The following SDK1 variants were observed in gnomAD, a reference collection of about 807,000 sequenced individuals.
SDK1 encodes protein sidekick-1.
Under a neutral mutation model 245.5 loss-of-function variants are expected in SDK1, and 157 were observed. The ratio of observed to expected loss-of-function variants is 0.64; its 90% CI spans 0.56 to 0.73. SDK1 has a LOEUF of 0.73. Ranked by LOEUF, SDK1 falls within the 30% of genes least tolerant of loss-of-function variation. SDK1 has a pLI of 0.00. For missense variants in SDK1, 3,583 were observed against 3,002.3 expected (o/e 1.19, Z -4.52); for synonymous variants, 1,647 against 1,278.5 (o/e 1.29, Z -6.15).
intron 5 of SDK1, among the ~76,000 whole-genome samples, chr7:3,918,469 G>A (rs947381772): frequency 2.7e-4 from 41 of 152,196 alleles, no homozygotes; most frequent in African/African-American, 7.7e-4. Context: ...TCTAATGCCT[G>A]ATGATCTGTC....
chr7:4,120,857 C>G lies in SDK1; in HGVS notation c.3824-6524C>G, dbSNP rs559987880. ...TCTTGAACTCCTGACCTCAAGTTAT[C>G]TGCCCAACTTGGTTTCCCAAGGTGC... On this transcript the variant is annotated intron_variant, in intron 25 of 44. Coordinates refer to ENST00000404826, the MANE Select transcript of SDK1 (RefSeq NM_152744.4). Among the ~76,000 whole-genome samples, 7 of 151,718 alleles carry G rather than the reference C, an allele frequency of 4.6e-5. No individual in the cohort carries two copies. In the South Asian group the frequency reaches 1.5e-3, roughly 32 times the overall value.
chr7:4,077,443 G>A (rs191555832), intron 21 of SDK1, among the ~76,000 whole-genome samples: 27 of 152,332 alleles, frequency 1.8e-4, no homozygotes, highest in African/African-American at 6.0e-4. Flanking sequence ...CAGAACATGC[G>A]TTGAAAGTGT....
chr7:3,641,503 G>A (rs753968924), intron 3 of SDK1, among the ~76,000 whole-genome samples: 7 of 152,170 alleles, frequency 4.6e-5, no homozygotes, highest in Non-Finnish European at 7.3e-5. Context: ...GCAGGAGACA[G>A]TGACCTCACA....
intron 4 of SDK1, among the ~76,000 whole-genome samples, chr7:3,757,564 A>G (rs766281900): frequency 4.6e-5 from 7 of 152,064 alleles, no homozygotes; most frequent in Non-Finnish European, 8.8e-5. Context: ...TCTATGACCA[A>G]TTTATTATAA....
At position 3,749,545 on chromosome 7, in the gene SDK1, C is replaced by T. The variant is rs183928060; in HGVS notation, c.714-71905C>T. ...CGAACTCCTGACCTCGTGATCCGCC[C>T]GCCTTGGCCTCCCAAAGTGCTGGGA... On this transcript the variant is annotated intron_variant, in intron 4 of 44. Transcript: ENST00000404826. Among the ~76,000 whole-genome samples the T allele has an allele frequency of 3.2e-3, 493 of 152,230 alleles. 4 individuals carry two copies. Among genetic ancestry groups the T allele is most frequent in the Middle Eastern group, 0.021 (6 of 292 alleles).
chr7:3,436,083 AGGT>A lies in SDK1; in HGVS notation c.298+134200_298+134202del, dbSNP rs1322774626. 5.3e-5 allele frequency among the ~76,000 whole-genome samples: 8 copies of A among 152,314 alleles called. No homozygotes were observed. In the South Asian group the frequency reaches 1.7e-3, roughly 32 times the overall value. ...GTTTAAATCCATGATTGTTCAAAATAGGTTGTTTTATTTTCAATATAATATGGT... is the reference window on the plus strand; with the variant it reads ...GTTTAAATCCATGATTGTTCAAAATATGTTTTATTTTCAATATAATATGGT... On this transcript the variant is annotated intron_variant, in intron 1 of 44. Coordinates refer to ENST00000404826, the MANE Select transcript of SDK1 (RefSeq NM_152744.4).
At chr7:3,979,237 C>T (rs1035407506) in intron 13 of SDK1, among the ~76,000 whole-genome samples, 29 of 152,162 alleles carry the variant, frequency 1.9e-4, no homozygotes, top group African/African-American at 6.0e-4. Flanking sequence ...GGCACCCACC[C>T]GGGTTTGTAA....
chr7:3,550,330 C>G (rs989369015), intron 1 of SDK1, among the ~76,000 whole-genome samples: 1 of 152,146 alleles, frequency 6.6e-6, no homozygotes, highest in Admixed American at 6.5e-5. Flanking sequence ...GCGTTTTCTT[C>G]CCTTTTCTAA....
intron 1 of SDK1, among the ~76,000 whole-genome samples, chr7:3,586,147 T>C (rs542951370): frequency 6.6e-6 from 1 of 151,774 alleles, no homozygotes; most frequent in Non-Finnish European, 1.5e-5. Flanking sequence ...GGCTTCACCA[T>C]TGCCTAACTC....
At chr7:4,097,152 G>A (rs73671540) in intron 22 of SDK1, among the ~76,000 whole-genome samples, 4,744 of 150,980 alleles carry the variant, frequency 0.031, 237 homozygotes, top group African/African-American at 0.11. Flanking sequence ...CATCTCTGCA[G>A]AGGCATTGGC....
intron 40 of SDK1, among the ~76,000 whole-genome samples, chr7:4,228,337 C>T (rs983487926): frequency 6.6e-6 from 1 of 152,242 alleles, no homozygotes; most frequent in Non-Finnish European, 1.5e-5. Flanking sequence ...GTGTGATTTG[C>T]AGTCACATCA....
chr7:3,513,756 C>T (rs191833249), intron 1 of SDK1, among the ~76,000 whole-genome samples: 1 of 152,174 alleles, frequency 6.6e-6, no homozygotes, highest in East Asian at 1.9e-4. Context: ...GTGTGGTGCC[C>T]AGCAGGTTTT....
intron 5 of SDK1, among the ~76,000 whole-genome samples, chr7:3,849,393 A>G (rs1780364276): frequency 6.6e-6 from 1 of 152,226 alleles, no homozygotes; most frequent in South Asian, 2.1e-4. Flanking sequence ...TGCAAAGCCC[A>G]GGACACAGAG....
chr7:3,875,047 A>G (rs28491320), intron 5 of SDK1, among the ~76,000 whole-genome samples: 32,023 of 152,102 alleles, frequency 0.21, 3,526 homozygotes, highest in Middle Eastern at 0.32. Context: ...ATACACGCTC[A>G]CTAGCCCATA....
intron 1 of SDK1, among the ~76,000 whole-genome samples, chr7:3,496,428 A>G (rs760112105): frequency 1.7e-4 from 25 of 151,220 alleles, no homozygotes; most frequent in African/African-American, 5.6e-4. Flanking sequence ...TAATGTTCCT[A>G]CAACTCGAGG....
At chr7:4,214,436 T>C (rs1342085654) in intron 38 of SDK1, among the ~76,000 whole-genome samples, 2 of 152,166 alleles carry the variant, frequency 1.3e-5, no homozygotes, top group Non-Finnish European at 2.9e-5. Context: ...CCTTGTCTCT[T>C]TTGTCTGTTG....
At chr7:4,078,719 C>T (rs544330772) in intron 21 of SDK1, among the ~76,000 whole-genome samples, 9 of 152,206 alleles carry the variant, frequency 5.9e-5, no homozygotes, top group African/African-American at 1.9e-4. Flanking sequence ...GCTACAATTC[C>T]GGGTGGGAGA....
In SDK1 at chr7:3,723,920, ACACG is replaced by A. The variant is rs1482792463; in HGVS notation, c.713+81816_713+81819del. Among the ~76,000 whole-genome samples the A allele has an allele frequency of 4.6e-3, 615 of 132,882 alleles. 8 individuals carry two copies. The highest frequency in any genetic ancestry group is 0.012 in the Middle Eastern group (3 of 242). 87.2% of individuals were successfully genotyped at this position (132,882 alleles called of 152,430 possible). The stretch of plus-strand genomic sequence containing the variant: ...TGTATATACACGTACATATATATAT[ACACG>A]TATATATATATATATATATAGAGAG... On this transcript the variant is annotated intron_variant, in intron 4 of 44. Transcript: ENST00000404826.
intron 4 of SDK1, among the ~76,000 whole-genome samples, chr7:3,745,256 A>G (rs1779585085): frequency 2.0e-5 from 3 of 152,228 alleles, no homozygotes; most frequent in South Asian, 2.1e-4. Context: ...TTTATTTCAA[A>G]TCAAAATCAT....
Sources: gnomAD v4.1 joint callset for allele counts (sites outside exome capture counted in the v4.1 genomes callset) on GRCh38, gnomAD v4.1.1 for gene constraint, MANE v1.5 for transcripts, NCBI Gene and HGNC (gene_info 2026-07-23, HGNC 2026-07-21) for gene names.